The following PRTG variants were observed in gnomAD, a reference collection of about 807,000 sequenced individuals.
The protein encoded by PRTG is protogenin.
In PRTG, 67 loss-of-function variants were observed where a neutral mutation model predicts 122.5. The ratio of observed to expected loss-of-function variants is 0.55; its 90% confidence interval spans 0.45 to 0.67. The LOEUF (loss-of-function observed/expected upper bound fraction) is 0.67. PRTG is among the 30% of genes least tolerant of loss of function. The pLI, the probability that PRTG is intolerant of heterozygous loss-of-function variation, is 0.00. For missense variants in PRTG, 1,435 were observed against 1,415.4 expected (o/e 1.01, Z -0.22); for synonymous variants, 554 against 501.1 (o/e 1.11, Z -1.41).
intron 18 of PRTG, 111 bp from the exon 19 acceptor site, chr15:55,620,878 ATTTTT>A: frequency 1.1e-6 from 1 of 926,166 alleles, no homozygotes. Flanking sequence ...TTCCCTTTTC[ATTTTT>A]ATTTTATTTT....
intron 2 of PRTG, among the ~76,000 whole-genome samples, chr15:55,737,236 T>C (rs1309704897): frequency 1.3e-5 from 2 of 152,250 alleles, no homozygotes; most frequent in African/African-American, 4.8e-5. Context: ...GTCACTCCTC[T>C]TTCTATTCCA....
chr15:55,633,218 A>G (rs2059237431), intron 15 of PRTG, among the ~76,000 whole-genome samples: 1 of 152,080 alleles, frequency 6.6e-6, no homozygotes, highest in Non-Finnish European at 1.5e-5. Context: ...TTTACTGCAT[A>G]TGAGGAGGGT....
chr15:55,635,834 G>C (rs991298944), intron 15 of PRTG, among the ~76,000 whole-genome samples: 1 of 152,108 alleles, frequency 6.6e-6, no homozygotes, highest in Non-Finnish European at 1.5e-5. Flanking sequence ...GGAGTGCCTA[G>C]TACTGTACAG....
chr15:55,652,270 T>C (rs943437566), intron 11 of PRTG, among the ~76,000 whole-genome samples: 1 of 152,148 alleles, frequency 6.6e-6, no homozygotes, highest in African/African-American at 2.4e-5. Context: ...ATGCCTAATG[T>C]ATATCCTGAT....
rs59455199 is a variant in PRTG at position 55,670,902 on chromosome 15, A to AAC, written c.2041+1541_2041+1542dup. ...GCAACAAGAGTAAAACTCCGTCACA[A>AAC]ACACACACACACACACACACACACA... On this transcript the variant is annotated intron_variant, in intron 11 of 19. Coordinates refer to ENST00000389286, the MANE Select transcript of PRTG (RefSeq NM_173814.6). 1.6e-3 allele frequency among the ~76,000 whole-genome samples: 225 copies of AAC among 143,892 alleles called. 1 individual carries two copies. Among genetic ancestry groups the AAC allele is most frequent in the African/African-American group, 5.8e-3 (220 of 37,960 alleles). 94.4% of individuals were successfully genotyped at this position (143,892 alleles called of 152,430 possible). A position where few individuals can be genotyped will look rare whatever the true frequency, so the allele number is the denominator to read the frequency against.
Position 55,638,170 on chromosome 15 carries a change from T to C in PRTG, c.2452+379A>G, listed in dbSNP as rs148152854. ...TATACAAATTGCACTGTGCACACTA[T>C]CAAGCTGCTATTCATACAGAAATAA... is the stretch of plus-strand genomic sequence containing the variant. On this transcript the variant is annotated intron_variant, in intron 14 of 19. Transcript: ENST00000389286. Among the ~76,000 whole-genome samples the C allele has an allele frequency of 4.3e-3, 657 of 152,312 alleles. 3 individuals are homozygous for C. The highest frequency in any genetic ancestry group is 0.015 in the African/African-American group (609 of 41,564).
At chr15:55,726,749 A>T (rs1395808857) in intron 2 of PRTG, among the ~76,000 whole-genome samples, 1 of 152,120 alleles carries the variant, frequency 6.6e-6, no homozygotes, top group Non-Finnish European at 1.5e-5. Flanking sequence ...ATATATGAAA[A>T]TTAAACAACA....
At chr15:55,631,008 G>A (rs1461879558) in intron 15 of PRTG, among the ~76,000 whole-genome samples, 1 of 152,158 alleles carries the variant, frequency 6.6e-6, no homozygotes, top group Non-Finnish European at 1.5e-5. Context: ...TAAAGCTGAG[G>A]TCATGAGACG....
At chr15:55,702,960 C>G in intron 2 of PRTG, 1 of 979,898 alleles carries the variant, frequency 1.0e-6, no homozygotes, top group Non-Finnish European at 1.2e-6. Flanking sequence ...CCCTGACATT[C>G]TAAACCTATC....
intron 2 of PRTG, among the ~76,000 whole-genome samples, chr15:55,728,013 T>C (rs2031097186): frequency 6.6e-6 from 1 of 152,004 alleles, no homozygotes; most frequent in Admixed American, 6.6e-5. Context: ...TATAGGTGTG[T>C]CCCACCATGC....
At chr15:55,687,289 AT>A (rs1206295610) in intron 2 of PRTG, among the ~76,000 whole-genome samples, 4 of 151,882 alleles carry the variant, frequency 2.6e-5, no homozygotes, top group Non-Finnish European at 2.9e-5. Context: ...TTTTACTGGC[AT>A]TTTTTTTAGA....
At chr15:55,649,971 C>T (rs1345362498) in intron 11 of PRTG, among the ~76,000 whole-genome samples, 1 of 152,072 alleles carries the variant, frequency 6.6e-6, no homozygotes, top group Non-Finnish European at 1.5e-5. Flanking sequence ...CAAGTTTCGT[C>T]ATCTATAAAA....
rs1439089756 is a variant in PRTG, at chr15:55,637,242, T to A, written c.2551A>T (p.Thr851Ser). 1 of 1,614,010 alleles carries A rather than the reference T, an allele frequency of 6.2e-7. No homozygotes were observed. Among genetic ancestry groups the A allele is most frequent in the Non-Finnish European group, 8.5e-7 (1 of 1,179,966 alleles). ...GATGCATATAAGATAGTATAGCGGG[T>A]CACAACTGTTTCTGGGCCATCAGGG... ...KPPDGPETVV[T>S]RYTILYASRK... The change falls in exon 15 of 20, where the codon ACC becomes TCC. Residue 851 changes from threonine to serine, a missense_variant. Coordinates refer to ENST00000389286, the MANE Select transcript of PRTG (RefSeq NM_173814.6).
intron 11 of PRTG, among the ~76,000 whole-genome samples, chr15:55,650,316 G>A (rs1435505243): frequency 6.6e-6 from 1 of 152,174 alleles, no homozygotes; most frequent in Non-Finnish European, 1.5e-5. Context: ...AAACTCTAAG[G>A]GCATTCACAA....
intron 15 of PRTG, among the ~76,000 whole-genome samples, chr15:55,636,441 C>G (rs1248810001): frequency 6.6e-6 from 1 of 151,954 alleles, no homozygotes; most frequent in South Asian, 2.1e-4. Context: ...ACAAATCTCC[C>G]TTCCTCAATC....
In PRTG at chr15:55,677,924, T is replaced by C. The variant is rs2059512297; in HGVS notation, c.1254A>G (p.Arg418=). ...CATGTACATTATAGGGAGCACTGGGTCTGTCTTCTGACATCACTACAGTCA... is the reference window on the plus strand; with the variant it reads ...CATGTACATTATAGGGAGCACTGGGCCTGTCTTCTGACATCACTACAGTCA... ...ARLTVVMSED[R]PSAPYNVHAE... is the part of the protein sequence containing the mutation. Residue 418 remains arginine, a synonymous_variant, in exon 8 of 20, where the codon AGA becomes AGG. Coordinates refer to ENST00000389286, the MANE Select transcript of PRTG (RefSeq NM_173814.6). The C allele has an allele frequency of 6.2e-7, 1 of 1,613,970 alleles. No homozygotes were observed. Among genetic ancestry groups the C allele is most frequent in the Admixed American group, 1.7e-5 (1 of 59,996 alleles).
intron 11 of PRTG, among the ~76,000 whole-genome samples, chr15:55,665,092 A>G (rs1022522503): frequency 1.3e-5 from 2 of 151,616 alleles, no homozygotes; most frequent in African/African-American, 4.8e-5. Context: ...CGTCATCTCC[A>G]CTAAAAAAAA....
intron 11 of PRTG, among the ~76,000 whole-genome samples, chr15:55,668,382 C>G (rs908882837): frequency 6.6e-6 from 1 of 152,118 alleles, no homozygotes; most frequent in African/African-American, 2.4e-5. Context: ...AAGCTAACTT[C>G]AGAATTTAAA....
rs200938799 is a variant in PRTG, at chr15:55,679,363, T to G, written c.1056A>C (p.Gly352=). 159 of 1,612,718 alleles carry G rather than the reference T, an allele frequency of 9.9e-5. No individual in the cohort carries two copies. The highest frequency in any genetic ancestry group is 1.3e-4 in the Non-Finnish European group (148 of 1,178,894). Residue 352 remains glycine, a synonymous_variant, in exon 7 of 20, where the codon GGA becomes GGC. Coordinates refer to ENST00000389286, the MANE Select transcript of PRTG (RefSeq NM_173814.6). ...ACCATGACATCTTGGGAGAGGGGAT[T>G]CCTTCTGCCTGACACACAAATCGAG... is the stretch of plus-strand genomic sequence containing the variant. The part of the protein sequence containing the change: ...GTARFVCQAE[G]IPSPKMSWLK...
Sources: allele counts gnomAD v4.1 joint callset (sites outside exome capture counted in the v4.1 genomes callset), GRCh38; gene constraint gnomAD v4.1.1; transcripts MANE v1.5; gene names NCBI Gene and HGNC (gene_info 2026-07-23, HGNC 2026-07-21).